The following CDH18 variants were observed in gnomAD, a reference collection of about 807,000 sequenced individuals.
The protein encoded by CDH18 is cadherin 18.
In CDH18, 31 loss-of-function variants were observed where a neutral mutation model predicts 67.9. The observed-to-expected ratio is 0.46, with a 90% CI of 0.34 to 0.62. The LOEUF is 0.62. Among genes scored for constraint, CDH18 ranks in the 20% least tolerant of loss-of-function variants. The pLI, the probability that CDH18 is intolerant of heterozygous loss-of-function variation, is 0.01. For synonymous variants in CDH18, 362 were observed against 347.2 expected (o/e 1.04, Z -0.48); for missense variants, 890 against 975.5 (o/e 0.91, Z 1.17).
At position 20,534,784 on chromosome 5, in the gene CDH18, C is replaced by T. The variant is rs916369623; in HGVS notation, c.-580+40678G>A. Among the ~76,000 whole-genome samples, 14 of 151,956 alleles carry T rather than the reference C, an allele frequency of 9.2e-5. No individual in the cohort carries two copies. In the South Asian group the frequency reaches 2.1e-3, roughly 23 times the overall value. On this transcript the variant is annotated intron_variant, in intron 1 of 14. Transcript: ENST00000507958. ...GAACATCAAAATTATTTAGCACATC[C>T]TTGATTACTGACTTCTGAACTCTGT...
intron 3 of CDH18, among the ~76,000 whole-genome samples, chr5:19,807,879 A>G (rs1778196003): frequency 6.6e-6 from 1 of 152,138 alleles, no homozygotes; most frequent in Non-Finnish European, 1.5e-5. Flanking sequence ...GTGAATGTCA[A>G]TTTAATGTTA....
chr5:19,753,774 G>T (rs1387028999), intron 3 of CDH18, among the ~76,000 whole-genome samples: 1 of 152,194 alleles, frequency 6.6e-6, no homozygotes, highest in Non-Finnish European at 1.5e-5. Context: ...ATTGACAGCA[G>T]ATTTCTCAGC....
intron 4 of CDH18, among the ~76,000 whole-genome samples, chr5:19,745,177 C>T (rs1158696185): frequency 6.6e-6 from 1 of 152,192 alleles, no homozygotes. Flanking sequence ...GGTACCAGGA[C>T]AATAATTCAG....
At chr5:20,575,083 A>G (rs976998030) in intron 1 of CDH18, among the ~76,000 whole-genome samples, 2 of 152,230 alleles carry the variant, frequency 1.3e-5, no homozygotes, top group Admixed American at 1.3e-4. Flanking sequence ...TCCTTTCTTG[A>G]TATGCTATTA....
intron 1 of CDH18, among the ~76,000 whole-genome samples, chr5:20,257,198 C>T (rs1177989635): frequency 1.3e-5 from 2 of 151,956 alleles, no homozygotes; most frequent in African/African-American, 4.8e-5. Context: ...AGTGATGATA[C>T]AGTGTTCAGG....
At chr5:19,774,426 T>TAAAATTAAAATAAAATAAAA (rs146014082) in intron 3 of CDH18, among the ~76,000 whole-genome samples, 1 of 139,390 alleles carries the variant, frequency 7.2e-6, no homozygotes, top group Non-Finnish European at 1.5e-5. Context: ...TAAAATAAAA[T>TAAAATTAAAATAAAATAAAA]TAAAATAAAA....
intron 2 of CDH18, among the ~76,000 whole-genome samples, chr5:19,902,517 A>G (rs191372690): frequency 1.2e-3 from 181 of 152,196 alleles, no homozygotes; most frequent in African/African-American, 4.0e-3. Flanking sequence ...CTGTACACAA[A>G]CCGTGTGAGT....
chr5:19,632,158 A>C (rs1752504418), intron 5 of CDH18, among the ~76,000 whole-genome samples: 1 of 152,190 alleles, frequency 6.6e-6, no homozygotes. Flanking sequence ...AAAAAAATAA[A>C]GAGTACTTTC....
chr5:19,726,453 T>G (rs1766856960), intron 4 of CDH18, among the ~76,000 whole-genome samples: 1 of 152,140 alleles, frequency 6.6e-6, no homozygotes, highest in Non-Finnish European at 1.5e-5. Context: ...GGCATCAGGG[T>G]ACCACTTTGA....
At chr5:20,500,720 T>G (rs1333698251) in intron 1 of CDH18, among the ~76,000 whole-genome samples, 1 of 152,172 alleles carries the variant, frequency 6.6e-6, no homozygotes, top group Non-Finnish European at 1.5e-5. Flanking sequence ...CAAATGCAGT[T>G]GTAATGATGT....
At chr5:20,575,175 T>A (rs1415230136) in intron 1 of CDH18, among the ~76,000 whole-genome samples, 1 of 152,134 alleles carries the variant, frequency 6.6e-6, no homozygotes. Context: ...CTTTGTATTA[T>A]AAACTTGGCT....
chr5:19,526,197 G>A (rs1421328833), intron 9 of CDH18, among the ~76,000 whole-genome samples: 1 of 151,978 alleles, frequency 6.6e-6, no homozygotes, highest in Non-Finnish European at 1.5e-5. Flanking sequence ...CTGAGCCTGG[G>A]AAAAAGCAGA....
At chr5:19,739,080 C>A (rs1045836086) in intron 4 of CDH18, among the ~76,000 whole-genome samples, 2 of 151,790 alleles carry the variant, frequency 1.3e-5, no homozygotes, top group African/African-American at 4.8e-5. Flanking sequence ...AATCTTTACC[C>A]AATGAAACAG....
At chr5:19,607,439 G>A (rs926538914) in intron 6 of CDH18, among the ~76,000 whole-genome samples, 3 of 151,026 alleles carry the variant, frequency 2.0e-5, no homozygotes, top group Non-Finnish European at 4.4e-5. Context: ...ATAATTTAAG[G>A]TAGAGTGAAA....
intron 2 of CDH18, among the ~76,000 whole-genome samples, chr5:19,997,008 A>G (rs947376858): frequency 6.6e-6 from 1 of 152,072 alleles, no homozygotes; most frequent in African/African-American, 2.4e-5. Context: ...ACTAGAAAGA[A>G]GTTACTAAAA....
At chr5:19,698,078 C>A (rs1458893839) in intron 5 of CDH18, among the ~76,000 whole-genome samples, 4 of 152,132 alleles carry the variant, frequency 2.6e-5, no homozygotes, top group African/African-American at 9.7e-5. Flanking sequence ...TTTATATGCA[C>A]CTATCTTAGC....
At chr5:20,032,423 A>G (rs1263540085) in intron 2 of CDH18, among the ~76,000 whole-genome samples, 1 of 152,014 alleles carries the variant, frequency 6.6e-6, no homozygotes, top group Non-Finnish European at 1.5e-5. Flanking sequence ...AGAACATTCT[A>G]AAAAGCAAAA....
chr5:19,680,469 T>G (rs567760634), intron 5 of CDH18, among the ~76,000 whole-genome samples: 1 of 151,990 alleles, frequency 6.6e-6, no homozygotes, highest in Admixed American at 6.6e-5. Flanking sequence ...CAAAACAAAA[T>G]AAACAGAGTA....
rs76419476 is a variant in CDH18 at position 19,702,050 on chromosome 5, A to G, written c.643+19297T>C. 3.8e-3 allele frequency among the ~76,000 whole-genome samples: 583 copies of G among 151,964 alleles called. 2 individuals carry two copies. Among genetic ancestry groups the G allele is most frequent in the African/African-American group, 0.014 (565 of 41,448 alleles). ...TTAAGCTCCTGCTTTAAGGATTACA[A>G]ATACCCCTAAGGAAAAATCCACCAC... On this transcript the variant is annotated intron_variant, in intron 5 of 12. Coordinates refer to ENST00000382275, the MANE Select transcript of CDH18 (RefSeq NM_004934.5).
Sources: allele counts gnomAD v4.1 joint callset (sites outside exome capture counted in the v4.1 genomes callset), GRCh38; gene constraint gnomAD v4.1.1; transcripts MANE v1.5; gene names NCBI Gene and HGNC (gene_info 2026-07-23, HGNC 2026-07-21).